HMGB1: variants seen among roughly 807,000 people sequenced by gnomAD.
HMGB1 encodes the protein high mobility group protein B1.
For missense variants in HMGB1, 79 were observed against 253.5 expected, an observed-to-expected ratio of 0.31 and a Z score of 4.67; for synonymous variants, 81 against 84.0, an observed-to-expected ratio of 0.96 and a Z score of 0.19.
rs191364702 is a variant in HMGB1, at chr13:30,480,338, C to T, written c.-14-16644G>A. Among the ~76,000 whole-genome samples the T allele has an allele frequency of 4.8e-3, 726 of 152,224 alleles. 2 individuals carry two copies. Among genetic ancestry groups the T allele is most frequent in the South Asian group, 0.02 (96 of 4,826 alleles). ...TAATTTTAGAGATGTGTAGAATATT[C>T]ACTTTGACAACAAAATGTGTATTCA... On this transcript the variant is annotated intron_variant, in intron 1 of 4. Transcript: ENST00000405805.
chr13:30,486,501 A>G (rs1414836281), intron 1 of HMGB1, among the ~76,000 whole-genome samples: 1 of 152,286 alleles, frequency 6.6e-6, no homozygotes, highest in East Asian at 1.9e-4. Flanking sequence ...ACAGCCCACA[A>G]TCTGGTAGTC....
Position 30,559,199 on chromosome 13 carries a change from C to T in HMGB1, c.-15+57472G>A, listed in dbSNP as rs1047694052. Among the ~76,000 whole-genome samples the T allele has an allele frequency of 6.6e-6, 1 of 151,872 alleles. No homozygotes were observed. On this transcript the variant is annotated intron_variant, in intron 1 of 4. Transcript: ENST00000405805. This position sits in a 1 kb window ranked among gnomAD's most constrained non-coding sequence, Gnocchi z 6.6. The stretch of plus-strand genomic sequence containing the variant: ...AATTGCCCCTGTTGAGAAGCACTGC[C>T]TTAGATCATTCCTTACCAAGGTACG...
chr13:30,471,825 C>A (rs536397302), intron 1 of HMGB1, among the ~76,000 whole-genome samples: 1 of 151,414 alleles, frequency 6.6e-6, no homozygotes, highest in Non-Finnish European at 1.5e-5. Flanking sequence ...CGCACCACCA[C>A]GCCTGGCTAA....
intron 1 of HMGB1, chr13:30,542,149 G>A (rs2137502982): frequency 1.3e-5 from 2 of 157,160 alleles, no homozygotes; most frequent in Admixed American, 1.3e-4. Context: ...GCTCTTCCAT[G>A]GTCTCCTACA....
intron 1 of HMGB1, among the ~76,000 whole-genome samples, chr13:30,565,442 G>A (rs1870146713): frequency 6.6e-6 from 1 of 152,134 alleles, no homozygotes; most frequent in African/African-American, 2.4e-5. Context: ...AGATTGTCAG[G>A]CAGATCTGTC....
At chr13:30,497,015 G>A (rs1385875634) in intron 1 of HMGB1, among the ~76,000 whole-genome samples, 6 of 152,044 alleles carry the variant, frequency 3.9e-5, no homozygotes, top group African/African-American at 1.4e-4. Context: ...CCCCTCCCCA[G>A]CCTTCAGTCT....
At chr13:30,507,793 T>G (rs1275423233) in intron 1 of HMGB1, among the ~76,000 whole-genome samples, 2 of 152,154 alleles carry the variant, frequency 1.3e-5, no homozygotes, top group Non-Finnish European at 2.9e-5. Flanking sequence ...TAGGAGTTCA[T>G]GACCAGCCTA....
chr13:30,558,716 A>C (rs571634083), intron 1 of HMGB1, among the ~76,000 whole-genome samples: 1 of 152,186 alleles, frequency 6.6e-6, no homozygotes, highest in African/African-American at 2.4e-5. Context: ...GATACTGCAA[A>C]TGTTGATCCT....
chr13:30,547,623 GA>G (rs1218258516), intron 1 of HMGB1, among the ~76,000 whole-genome samples: 1 of 151,338 alleles, frequency 6.6e-6, no homozygotes, highest in Non-Finnish European at 1.5e-5. Context: ...CAGGACTTTA[GA>G]TTTTTTTTTT....
intron 1 of HMGB1, among the ~76,000 whole-genome samples, chr13:30,510,052 G>A (rs1417769192): frequency 6.6e-6 from 1 of 152,148 alleles, no homozygotes; most frequent in Admixed American, 6.6e-5. Context: ...TCCACAGGGT[G>A]GAAACCCAAA....
chr13:30,565,944 G>A (rs930168564), intron 1 of HMGB1, among the ~76,000 whole-genome samples: 3 of 152,184 alleles, frequency 2.0e-5, no homozygotes, highest in East Asian at 3.8e-4. Flanking sequence ...AAAGATGCAA[G>A]GACAACTTAG....
At chr13:30,497,153 A>G (rs1451795074) in intron 1 of HMGB1, among the ~76,000 whole-genome samples, 1 of 152,002 alleles carries the variant, frequency 6.6e-6, no homozygotes, top group Non-Finnish European at 1.5e-5. Flanking sequence ...TTCAATGCAG[A>G]TGTACTTGTC....
At chr13:30,464,473 C>A (rs1198400626) in intron 1 of HMGB1, 2 of 984,960 alleles carry the variant, frequency 2.0e-6, no homozygotes, top group Non-Finnish European at 2.4e-6. Context: ...GCGGGGCGAG[C>A]CCCCCGCCCC....
At chr13:30,596,512 G>T (rs1436428996) in intron 1 of HMGB1, among the ~76,000 whole-genome samples, 1 of 152,184 alleles carries the variant, frequency 6.6e-6, no homozygotes, top group African/African-American at 2.4e-5. Context: ...CAACTCACGA[G>T]AATTAAGGCT....
Position 30,590,534 on chromosome 13 carries a change from A to G in HMGB1, c.-15+26137T>C, listed in dbSNP as rs146052681. ...TAAATTTAAATAGCCACGTGCGGGT[A>G]GTGGCTACCATACTGCACATGCAAC... On this transcript the variant is annotated intron_variant, in intron 1 of 4. Coordinates refer to the HMGB1 transcript ENST00000405805. Among the ~76,000 whole-genome samples, 806 of 152,318 alleles carry G rather than the reference A, an allele frequency of 5.3e-3. 7 individuals are homozygous for G. The highest frequency in any genetic ancestry group is 0.017 in the African/African-American group (721 of 41,556).
intron 1 of HMGB1, among the ~76,000 whole-genome samples, chr13:30,516,791 C>G (rs1295415326): frequency 6.6e-6 from 1 of 152,062 alleles, no homozygotes; most frequent in Non-Finnish European, 1.5e-5. Context: ...GTGGTATACT[C>G]CTGTAGTCCC....
chr13:30,464,652 G>A (rs1180766872), intron 1 of HMGB1: 5 of 983,520 alleles, frequency 5.1e-6, no homozygotes, highest in South Asian at 9.4e-5. Context: ...GGCTGGCTCC[G>A]CCCGCGGCCG....
chr13:30,464,796 AGTGT>A (rs1391376690), intron 1 of HMGB1: 1 of 103,384 alleles, frequency 9.7e-6, no homozygotes, highest in Non-Finnish European at 1.8e-5. Context: ...TGTATGAGAG[AGTGT>A]GTGAGTGCGA....
intron 1 of HMGB1, among the ~76,000 whole-genome samples, chr13:30,590,123 G>C (rs552583613): frequency 1.3e-5 from 2 of 151,946 alleles, no homozygotes; most frequent in South Asian, 4.2e-4. Flanking sequence ...AGGGCTGTAA[G>C]GTAGCACTGT....
Sources: allele counts gnomAD v4.1 joint callset (sites outside exome capture counted in the v4.1 genomes callset), GRCh38; gene constraint gnomAD v4.1.1; non-coding constraint Gnocchi (gnomAD v3.1); transcripts MANE v1.5; gene names NCBI Gene and HGNC (gene_info 2026-07-23, HGNC 2026-07-21).